The following BABAM2 variants were observed in gnomAD, a reference collection of about 807,000 sequenced individuals.
The protein encoded by BABAM2 is BRISC and BRCA1-A complex member 2.
A neutral mutation model predicts 54.7 loss-of-function variants in BABAM2; 31 were observed. That is an observed-to-expected ratio of 0.57 (90% confidence interval 0.43 to 0.77). The LOEUF is 0.77. Among genes scored for constraint, BABAM2 ranks in the 30% least tolerant of loss-of-function variants. The pLI is 0.00. For missense variants in BABAM2, 364 were observed against 455.8 expected (o/e 0.80, Z 1.83); for synonymous variants, 167 against 162.9 (o/e 1.03, Z -0.19).
chr2:28,118,041 T>C (rs1329067832), intron 6 of BABAM2, among the ~76,000 whole-genome samples: 1 of 152,262 alleles, frequency 6.6e-6, no homozygotes, highest in East Asian at 1.9e-4. Context: ...TTAAACTTGT[T>C]GGGCTCTTGG....
chr2:28,035,577 G>A (rs912220735), intron 5 of BABAM2, among the ~76,000 whole-genome samples: 2 of 152,080 alleles, frequency 1.3e-5, no homozygotes, highest in African/African-American at 4.8e-5. Flanking sequence ...GACCATATTT[G>A]TTTAGTTTTG....
chr2:28,104,170 A>G (rs1329901306), intron 6 of BABAM2, among the ~76,000 whole-genome samples: 1 of 152,246 alleles, frequency 6.6e-6, no homozygotes, highest in East Asian at 1.9e-4. Flanking sequence ...AGCAATGGCA[A>G]CAAAAGCCAA....
chr2:28,333,714 C>T (rs1350644551), intron 11 of BABAM2, among the ~76,000 whole-genome samples: 1 of 152,258 alleles, frequency 6.6e-6, no homozygotes, highest in African/African-American at 2.4e-5. Context: ...GATTCCCTTA[C>T]AGTGTGCATT....
intron 7 of BABAM2, among the ~76,000 whole-genome samples, chr2:28,208,744 TA>T (rs1211295146): frequency 1.3e-5 from 2 of 152,186 alleles, no homozygotes; most frequent in East Asian, 3.9e-4. Flanking sequence ...TCTAGCTTGC[TA>T]ACAGTTGTGG....
chr2:28,060,697 A>G (rs941775852), intron 6 of BABAM2, among the ~76,000 whole-genome samples: 4 of 152,188 alleles, frequency 2.6e-5, no homozygotes, highest in Admixed American at 6.5e-5. Flanking sequence ...GCTAACAAGT[A>G]ATTAAAATTT....
chr2:28,169,236 G>A (rs1674053464), intron 7 of BABAM2, among the ~76,000 whole-genome samples: 1 of 151,958 alleles, frequency 6.6e-6, no homozygotes, highest in East Asian at 1.9e-4. Flanking sequence ...TTGGTTAAGA[G>A]GAAAAAAATC....
At chr2:28,055,701 G>T (rs1678350130) in intron 6 of BABAM2, among the ~76,000 whole-genome samples, 1 of 152,102 alleles carries the variant, frequency 6.6e-6, no homozygotes, top group African/African-American at 2.4e-5. Flanking sequence ...GGTTTCTAAA[G>T]AAATTAAAAA....
chr2:27,982,130 GTATT>G (rs1672051730), intron 3 of BABAM2, among the ~76,000 whole-genome samples: 1 of 152,140 alleles, frequency 6.6e-6, no homozygotes, highest in African/African-American at 2.4e-5. Context: ...ATCTTTCTAT[GTATT>G]TATTTGACAT....
At chr2:28,016,401 G>T in intron 4 of BABAM2, 2 of 1,405,152 alleles carry the variant, frequency 1.4e-6, no homozygotes, top group Non-Finnish European at 2.0e-6. Flanking sequence ...TGTATTTTTG[G>T]CCCTGAAGAC....
At chr2:28,297,167 C>T (rs1463149215) in intron 10 of BABAM2, among the ~76,000 whole-genome samples, 1 of 152,110 alleles carries the variant, frequency 6.6e-6, no homozygotes, top group Admixed American at 6.6e-5. Flanking sequence ...TAGTAGGAGC[C>T]GAATGTTTGA....
intron 5 of BABAM2, among the ~76,000 whole-genome samples, chr2:28,030,459 A>G (rs1020864710): frequency 3.3e-5 from 5 of 152,042 alleles, no homozygotes; most frequent in African/African-American, 1.2e-4. Flanking sequence ...AGGCCTAGGG[A>G]AGGCCTAGTA....
intron 6 of BABAM2, among the ~76,000 whole-genome samples, chr2:28,055,049 G>A (rs1678289979): frequency 6.6e-6 from 1 of 152,158 alleles, no homozygotes; most frequent in African/African-American, 2.4e-5. Flanking sequence ...TGAAAAAAAT[G>A]TGGTACATAT....
intron 5 of BABAM2, among the ~76,000 whole-genome samples, chr2:28,031,826 T>C (rs930654513): frequency 6.6e-6 from 1 of 152,088 alleles, no homozygotes; most frequent in African/African-American, 2.4e-5. Context: ...AGATGTTCAG[T>C]GGGTTGTATG....
intron 10 of BABAM2, among the ~76,000 whole-genome samples, chr2:28,246,382 T>G (rs1465065313): frequency 6.6e-6 from 1 of 152,240 alleles, no homozygotes; most frequent in East Asian, 1.9e-4. Flanking sequence ...TTGGTCCCAG[T>G]GATTCTTTCT....
chr2:28,101,170 A>T (rs1036785096), intron 6 of BABAM2, among the ~76,000 whole-genome samples: 9 of 152,194 alleles, frequency 5.9e-5, no homozygotes, highest in Admixed American at 3.3e-4. Flanking sequence ...TTATCCAGCC[A>T]GGTTGACATA....
chr2:28,322,680 C>T lies in BABAM2; in HGVS notation c.1089-15770C>T, dbSNP rs772815045. On this transcript the variant is annotated intron_variant, in intron 11 of 11. Coordinates refer to ENST00000379624, the MANE Select transcript of BABAM2 (RefSeq NM_199191.3). This position sits in a 1 kb window ranked among gnomAD's most constrained non-coding sequence, Gnocchi z 4.1. ...GGCTGTGGTTGGCGGCCGCAGGCCCCGATGCTTAGGCCAGGCCTTGAGGGT... is the reference window on the plus strand; with the variant it reads ...GGCTGTGGTTGGCGGCCGCAGGCCCTGATGCTTAGGCCAGGCCTTGAGGGT... Among the ~76,000 whole-genome samples, 7 of 152,170 alleles carry T rather than the reference C, an allele frequency of 4.6e-5. No homozygotes were observed. The highest frequency in any genetic ancestry group is 9.7e-5 in the African/African-American group (4 of 41,442).
chr2:28,197,275 C>T (rs932705829), intron 7 of BABAM2, among the ~76,000 whole-genome samples: 3 of 152,138 alleles, frequency 2.0e-5, no homozygotes, highest in African/African-American at 4.8e-5. Flanking sequence ...GCTTGAGCGC[C>T]GGCTGATACA....
At chr2:27,927,847 T>TC (rs1258094982) in intron 2 of BABAM2, among the ~76,000 whole-genome samples, 2 of 150,164 alleles carry the variant, frequency 1.3e-5, no homozygotes, top group African/African-American at 2.4e-5. Context: ...TGTTTTTTTT[T>TC]TTTTTTTCTT....
chr2:28,309,548 C>T (rs1159346417), intron 11 of BABAM2: 1 of 152,752 alleles, frequency 6.5e-6, no homozygotes, highest in Non-Finnish European at 1.5e-5. Context: ...AGAATTTGAT[C>T]ATTTTTAGCT....
Sources: gnomAD v4.1 joint callset for allele counts (sites outside exome capture counted in the v4.1 genomes callset) on GRCh38, gnomAD v4.1.1 for gene constraint, Gnocchi (gnomAD v3.1) non-coding constraint, MANE v1.5 for transcripts, NCBI Gene and HGNC (gene_info 2026-07-23, HGNC 2026-07-21) for gene names.